Variants in GRM7 observed in about 807,000 individuals in gnomAD.
GRM7 encodes the protein metabotropic glutamate receptor 7.
In GRM7, 35 loss-of-function variants were observed where a neutral mutation model predicts 84.5. That is an observed-to-expected ratio of 0.41 (90% confidence interval 0.32 to 0.55). The LOEUF (loss-of-function observed/expected upper bound fraction) is 0.55, where lower values mean the gene tolerates loss of function less well. Among genes scored for constraint, GRM7 ranks in the 20% least tolerant of loss-of-function variants. GRM7 has a pLI of 0.19. For synonymous variants in GRM7, 487 were observed against 455.1 expected (o/e 1.07, Z -0.89); for missense variants, 1,003 against 1,194.6 (o/e 0.84, Z 2.36).
At chr3:7,694,030 T>G (rs1338079542) in intron 9 of GRM7, among the ~76,000 whole-genome samples, 1 of 151,470 alleles carries the variant, frequency 6.6e-6, no homozygotes, top group Non-Finnish European at 1.5e-5. Flanking sequence ...GGATTCTCAG[T>G]TTTTTCTGGG....
intron 1 of GRM7, among the ~76,000 whole-genome samples, chr3:7,071,032 T>C (rs1697860467): frequency 6.6e-6 from 1 of 152,082 alleles, no homozygotes; most frequent in African/African-American, 2.4e-5. Context: ...GTGTTTATTT[T>C]CCATAAAAGA....
chr3:7,333,475 G>T (rs1559243781), intron 4 of GRM7, among the ~76,000 whole-genome samples: 1 of 152,182 alleles, frequency 6.6e-6, no homozygotes, highest in African/African-American at 2.4e-5. Flanking sequence ...TGGGGCAAAA[G>T]AATCTGAACA....
At chr3:7,271,781 C>T (rs1698874195) in intron 2 of GRM7, among the ~76,000 whole-genome samples, 1 of 152,152 alleles carries the variant, frequency 6.6e-6, no homozygotes, top group Non-Finnish European at 1.5e-5. Context: ...ACCAAAGCCA[C>T]TTGAGAAAGC....
intron 4 of GRM7, among the ~76,000 whole-genome samples, chr3:7,319,074 G>A (rs1700680822): frequency 1.3e-5 from 2 of 151,934 alleles, no homozygotes; most frequent in Non-Finnish European, 2.9e-5. Context: ...AATACCAGTA[G>A]GTCCTAGCAA....
chr3:7,302,104 A>C (rs1271187135), intron 3 of GRM7, among the ~76,000 whole-genome samples: 2 of 152,048 alleles, frequency 1.3e-5, no homozygotes, highest in Non-Finnish European at 2.9e-5. Flanking sequence ...GTTTTTTTTC[A>C]ATAAAAGGAA....
intron 1 of GRM7, among the ~76,000 whole-genome samples, chr3:6,883,080 C>T (rs904267939): frequency 7.2e-5 from 11 of 152,034 alleles, no homozygotes; most frequent in African/African-American, 1.9e-4. Context: ...CCAGCATTAG[C>T]CATTTATTTC....
At chr3:7,575,819 T>C (rs1374287578) in intron 7 of GRM7, among the ~76,000 whole-genome samples, 1 of 152,198 alleles carries the variant, frequency 6.6e-6, no homozygotes, top group Non-Finnish European at 1.5e-5. Context: ...CAATGTGATG[T>C]TCGTGGTTAC....
intron 1 of GRM7, among the ~76,000 whole-genome samples, chr3:6,901,604 TAAAAAAAAA>T (rs33945077): frequency 0.13 from 5,404 of 40,604 alleles, 216 homozygotes; most frequent in Non-Finnish European, 0.18. Flanking sequence ...AGACTCCGTC[TAAAAAAAAA>T]AAAAAAAAAA....
chr3:6,877,032 G>A (rs1204707157), intron 1 of GRM7, among the ~76,000 whole-genome samples: 1 of 152,174 alleles, frequency 6.6e-6, no homozygotes, highest in Admixed American at 6.5e-5. Flanking sequence ...GGAGTGTGTG[G>A]AGGAATTTCA....
intron 2 of GRM7, 101 bp from the exon 3 acceptor site, chr3:7,298,583 G>C: frequency 1.1e-6 from 1 of 927,312 alleles, no homozygotes; most frequent in South Asian, 1.5e-5. Flanking sequence ...AGGAAGTATT[G>C]CATATCCGGG....
intron 1 of GRM7, among the ~76,000 whole-genome samples, 198 bp from the exon 2 acceptor site, chr3:7,146,254 C>T (rs899962248): frequency 2.0e-5 from 3 of 152,296 alleles, no homozygotes; most frequent in East Asian, 1.9e-4. Context: ...AAAGGCAAGA[C>T]GCTGAAGTCA....
At chr3:7,639,279 C>T (rs59235043) in intron 8 of GRM7, among the ~76,000 whole-genome samples, 21,280 of 152,212 alleles carry the variant, frequency 0.14, 1,719 homozygotes, top group Non-Finnish European at 0.18. Flanking sequence ...TATCTGTGGA[C>T]ACAGTGTGGC....
At chr3:7,192,372 C>G (rs916721202) in intron 2 of GRM7, among the ~76,000 whole-genome samples, 1 of 152,042 alleles carries the variant, frequency 6.6e-6, no homozygotes, top group Admixed American at 6.6e-5. Context: ...CTGGATTGGC[C>G]TCCTCTCCAA....
At chr3:6,881,304 C>G (rs576215871) in intron 1 of GRM7, among the ~76,000 whole-genome samples, 9 of 152,044 alleles carry the variant, frequency 5.9e-5, no homozygotes, top group South Asian at 2.1e-4. Context: ...ACTCCACCCC[C>G]CAACAGTCTC....
At chr3:7,341,703 C>T (rs1389766802) in intron 4 of GRM7, among the ~76,000 whole-genome samples, 2 of 152,040 alleles carry the variant, frequency 1.3e-5, no homozygotes, top group Non-Finnish European at 2.9e-5. Context: ...TAGTTTGTCC[C>T]AGTAATGAAC....
chr3:7,727,730 C>G (rs1219342344), intron 9 of GRM7, among the ~76,000 whole-genome samples: 1 of 152,152 alleles, frequency 6.6e-6, no homozygotes, highest in Non-Finnish European at 1.5e-5. Flanking sequence ...ACATCTTACT[C>G]CCTCTGTATC....
chr3:6,984,242 G>A (rs1694314697), intron 1 of GRM7, among the ~76,000 whole-genome samples: 1 of 152,138 alleles, frequency 6.6e-6, no homozygotes, highest in African/African-American at 2.4e-5. Flanking sequence ...GTAAAGTCAT[G>A]AGTTCAATGA....
intron 7 of GRM7, among the ~76,000 whole-genome samples, chr3:7,483,228 A>G (rs2124940154): frequency 6.6e-6 from 1 of 152,346 alleles, no homozygotes; most frequent in South Asian, 2.1e-4. Context: ...CAAAACAGTG[A>G]TAAACTAATA....
intron 1 of GRM7, among the ~76,000 whole-genome samples, chr3:7,122,976 G>C (rs1412430149): frequency 1.3e-5 from 2 of 152,126 alleles, no homozygotes; most frequent in African/African-American, 2.4e-5. Flanking sequence ...TTTTGAAAAG[G>C]TCTCCTTTTC....
Sources: allele counts gnomAD v4.1 joint callset (sites outside exome capture counted in the v4.1 genomes callset), GRCh38; gene constraint gnomAD v4.1.1; transcripts MANE v1.5; gene names NCBI Gene and HGNC (gene_info 2026-07-23, HGNC 2026-07-21).